The following TLR8 variants were observed in gnomAD, a reference collection of about 807,000 sequenced individuals.
TLR8 encodes toll like receptor 8, also known as toll-like receptor 8.
A neutral mutation model predicts 18.5 loss-of-function variants in TLR8; 5 were observed. The observed-to-expected ratio is 0.27, with a 90% confidence interval of 0.14 to 0.57. The LOEUF (loss-of-function observed/expected upper bound fraction) is 0.57, where lower values mean the gene tolerates loss of function less well. TLR8 is among the 20% of genes least tolerant of loss of function. The pLI is 0.92. For synonymous variants in TLR8, 299 were observed against 300.1 expected (o/e 1.00, Z 0.04); for missense variants, 543 against 769.8 (o/e 0.71, Z 3.49).
At chrX:12,914,946 T>C (rs1221906276) in intron 1 of TLR8, among the ~76,000 whole-genome samples, 1 of 111,709 alleles carries the variant, frequency 9.0e-6, no homozygotes, top group Non-Finnish European at 1.9e-5. Flanking sequence ...ATGGTGACTA[T>C]AGTTAATAAC....
Position 12,921,967 on chromosome X carries a change from T to C in TLR8, c.2927T>C (p.Ile976Thr). The C allele has an allele frequency of 1.7e-6, 2 of 1,211,588 alleles. No homozygotes were observed. The highest frequency in any genetic ancestry group is 2.2e-6 in the Non-Finnish European group (2 of 895,365). ...RLMDENMDVI[I>T]FILLEPVLQH... ...ATGGATGAGAACATGGATGTGATTA[T>C]ATTTATCCTGCTGGAGCCAGTGTTA... Residue 976 changes from isoleucine (I) to threonine (T), a missense_variant, in exon 2 of 2, where the codon ATA (isoleucine) becomes ACA (threonine). Physicochemically the swap from Ile to Thr is moderately conservative, Grantham distance 89. Around this residue, in one of 4 missense-constraint regions of TLR8, gnomAD observed 227 missense variants for 312.9 expected, o/e 0.73. Transcript: ENST00000218032.
At chrX:12,912,886 C>A (rs2043030949) in intron 1 of TLR8, among the ~76,000 whole-genome samples, 1 of 112,080 alleles carries the variant, frequency 8.9e-6, no homozygotes, top group Admixed American at 9.4e-5. Context: ...ATTTCCCCCT[C>A]AATTCCTCTC....
At chrX:12,918,915 A>G (rs1379958424) in intron 1 of TLR8, 129 bp from the exon 2 acceptor site, 1 of 724,225 alleles carries the variant, frequency 1.4e-6, no homozygotes, top group Non-Finnish European at 2.0e-6. Flanking sequence ...GATGCAATTT[A>G]TTTAATTGTT....
intron 1 of TLR8, chrX:12,910,485 C>T: frequency 8.7e-7 from 1 of 1,143,229 alleles, no homozygotes; most frequent in Non-Finnish European, 1.2e-6. Context: ...TACGCCCCTC[C>T]CAGACCACCT....
chrX:12,909,407 T>C (rs2043005670), intron 1 of TLR8, among the ~76,000 whole-genome samples: 3 of 112,418 alleles, frequency 2.7e-5, no homozygotes, highest in African/African-American at 9.7e-5. Flanking sequence ...ACCCCTGCTA[T>C]AAGACACAGT....
intron 1 of TLR8, chrX:12,908,329 A>T (rs1216740780): frequency 9.8e-6 from 1 of 101,534 alleles, no homozygotes; most frequent in Non-Finnish European, 2.0e-5. Flanking sequence ...CAACGGAGTA[A>T]GACTCTGTTT....
chrX:12,907,773 T>G (rs911104114), intron 1 of TLR8, among the ~76,000 whole-genome samples: 1 of 110,686 alleles, frequency 9.0e-6, no homozygotes, highest in African/African-American at 3.3e-5. Context: ...GTGATCCGCC[T>G]GTCTCAGCCT....
rs1429091011 is a variant in TLR8 at position 12,922,146 on chromosome X, G to A, written c.3106G>A (p.Asp1036Asn). The A allele has an allele frequency of 1.8e-5, 22 of 1,199,868 alleles. No homozygotes were observed. Among genetic ancestry groups the A allele is most frequent in the Middle Eastern group, 2.3e-4 (1 of 4,307 alleles). Residue 1036 changes from aspartate to asparagine, a missense_variant, in exon 2 of 2, where the codon GAT (aspartate) becomes AAT (asparagine). Physicochemically the swap from Asp to Asn is conservative, Grantham distance 23. Transcript: ENST00000218032. ...TTCACGGTATAACAATATGTATGTCGATTCCATTAAGCAATACTAACTGAC... is the reference window on the plus strand; with the variant it reads ...TTCACGGTATAACAATATGTATGTCAATTCCATTAAGCAATACTAACTGAC... ...NDSRYNNMYV[D>N]SIKQY is the part of the protein sequence containing the mutation.
intron 1 of TLR8, among the ~76,000 whole-genome samples, chrX:12,908,894 T>G (rs1182215015): frequency 4.5e-5 from 5 of 112,249 alleles, no homozygotes; most frequent in Admixed American, 3.8e-4. Context: ...CATCCTTTCA[T>G]TATAATAATC....
In TLR8 at chrX:12,921,302, C is replaced by A; in HGVS notation, c.2262C>A (p.Ser754=). 8.3e-7 allele frequency: 1 copy of A among 1,211,459 alleles called. No individual in the cohort carries two copies. Among genetic ancestry groups the A allele is most frequent in the Admixed American group, 2.2e-5 (1 of 45,983 alleles). ...SSNLLKTINK[S]ALETKTTTKL... ...ATCTGCTAAAAACAATCAACAAATC[C>A]GCACTTGAAACTAAGACCACCACCA... The change falls in exon 2 of 2, where the codon TCC becomes TCA. Residue 754 remains serine (S), a synonymous_variant. Coordinates refer to ENST00000218032, the MANE Select transcript of TLR8 (RefSeq NM_138636.5).
In TLR8 at chrX:12,921,351, G is replaced by C; in HGVS notation, c.2311G>C (p.Gly771Arg). 2.5e-6 allele frequency: 3 copies of C among 1,211,737 alleles called. No homozygotes were observed. Among genetic ancestry groups the C allele is most frequent in the Non-Finnish European group, 3.3e-6 (3 of 895,525 alleles). Reference sequence around the variant, plus strand: ...CAAATTATCTATGTTGGAACTACACGGAAACCCCTTTGAATGCACCTGTGA... The same window carrying C: ...CAAATTATCTATGTTGGAACTACACCGAAACCCCTTTGAATGCACCTGTGA... The part of the protein sequence containing the change: ...TTKLSMLELH[G>R]NPFECTCDIG... The change falls in exon 2 of 2, where the codon GGA becomes CGA. Residue 771 changes from glycine to arginine, a missense_variant. This residue lies in a region of TLR8 where 227 missense variants were observed against 312.9 expected (regional missense o/e 0.73). Transcript: ENST00000218032.
intron 1 of TLR8, among the ~76,000 whole-genome samples, chrX:12,910,974 C>T (rs779864671): frequency 1.8e-5 from 2 of 108,671 alleles, no homozygotes; most frequent in African/African-American, 3.4e-5. Flanking sequence ...ATGATTCATA[C>T]GTTTTCTTTA....
rs1385181959 is a variant in TLR8, at chrX:12,921,349, A to T, written c.2309A>T (p.His770Leu). ...TTTKLSMLEL[H>L]GNPFECTCDI... ...ACCAAATTATCTATGTTGGAACTAC[A>T]CGGAAACCCCTTTGAATGCACCTGT... Residue 770 changes from histidine (H) to leucine (L), a missense_variant, in exon 2 of 2, where the codon CAC (histidine) becomes CTC (leucine). Coordinates refer to ENST00000218032, the MANE Select transcript of TLR8 (RefSeq NM_138636.5). 1 of 1,211,962 alleles carries T rather than the reference A, an allele frequency of 8.3e-7. No individual in the cohort carries two copies. Among genetic ancestry groups the T allele is most frequent in the South Asian group, 1.8e-5 (1 of 57,006 alleles).
At position 12,919,772 on chromosome X, in the gene TLR8, A is replaced by T; in HGVS notation, c.732A>T (p.Gly244=). ...ACATTAGTGAAGAAGATTTCAAGGG[A>T]TTGATAAATTTAACATTACTAGATT... ...IKYISEEDFK[G]LINLTLLDLS... is the part of the protein sequence containing the mutation. Residue 244 remains glycine (G), a synonymous_variant, in exon 2 of 2, where the codon GGA becomes GGT. Transcript: ENST00000218032. 24 of 1,211,613 alleles carry T rather than the reference A, an allele frequency of 2.0e-5. No individual in the cohort carries two copies. Among genetic ancestry groups the T allele is most frequent in the Non-Finnish European group, 2.7e-5 (24 of 895,414 alleles).
At chrX:12,911,385 C>T (rs2043019945) in intron 1 of TLR8, among the ~76,000 whole-genome samples, 1 of 111,840 alleles carries the variant, frequency 8.9e-6, no homozygotes, top group Admixed American at 9.5e-5. Context: ...TGGTAGCTAG[C>T]AATTCTTGAT....
chrX:12,917,625 T>C (rs1307544602), intron 1 of TLR8, among the ~76,000 whole-genome samples: 1 of 112,256 alleles, frequency 8.9e-6, no homozygotes, highest in Admixed American at 9.5e-5. Flanking sequence ...CACATTAATC[T>C]GTTTATTGCA....
intron 1 of TLR8, chrX:12,910,329 G>A (rs909214344): frequency 1.6e-4 from 188 of 1,161,033 alleles, no homozygotes; most frequent in Non-Finnish European, 2.0e-4. Flanking sequence ...TTCAGTGTTA[G>A]GGAACATCAG....
rs151151012 is a variant in TLR8, at chrX:12,921,393, A to C, written c.2353A>C (p.Arg785=). ...ECTCDIGDFR[R]WMDEHLNVKI... ...CACCTGTGACATTGGAGATTTCCGAAGATGGATGGATGAACATCTGAATGT... is the reference window on the plus strand; with the variant it reads ...CACCTGTGACATTGGAGATTTCCGACGATGGATGGATGAACATCTGAATGT... The change falls in exon 2 of 2, where the codon AGA becomes CGA. Residue 785 remains arginine, a synonymous_variant. Transcript: ENST00000218032. 3 of 1,210,575 alleles carry C rather than the reference A, an allele frequency of 2.5e-6. No homozygotes were observed. In the African/African-American group the frequency reaches 5.2e-5, roughly 21 times the overall value.
At chrX:12,912,065 T>C (rs1228920915) in intron 1 of TLR8, among the ~76,000 whole-genome samples, 1 of 110,241 alleles carries the variant, frequency 9.1e-6, no homozygotes, top group Non-Finnish European at 1.9e-5. Context: ...TCTCTCACTC[T>C]TTCTTTCTCT....
Sources: gnomAD v4.1 joint callset for allele counts (sites outside exome capture counted in the v4.1 genomes callset) on GRCh38, gnomAD v4.1.1 for gene constraint, gnomAD v4.1.1 regional missense constraint, MANE v1.5 for transcripts, NCBI Gene and HGNC (gene_info 2026-07-23, HGNC 2026-07-21) for gene names.